RAD9B: variants seen among roughly 807,000 people sequenced by gnomAD.
The protein encoded by RAD9B is cell cycle checkpoint control protein RAD9B.
In RAD9B, 41 loss-of-function variants were observed where a neutral mutation model predicts 48.3. The ratio of observed to expected loss-of-function variants is 0.85; its 90% CI spans 0.66 to 1.10. RAD9B has a LOEUF of 1.10. Among genes scored for constraint, RAD9B ranks in the 50% least tolerant of loss-of-function variants. The pLI, the probability that RAD9B is intolerant of heterozygous loss-of-function variation, is 0.00. For synonymous variants in RAD9B, 160 were observed against 157.9 expected (o/e 1.01, Z -0.10); for missense variants, 444 against 485.1 (o/e 0.92, Z 0.80).
intron 10 of RAD9B, among the ~76,000 whole-genome samples, chr12:110,528,617 GAGTGAATAACA>G (rs113912723): frequency 1.6e-4 from 24 of 152,366 alleles, no homozygotes; most frequent in African/African-American, 5.8e-4. Context: ...AAAGATGTCA[GAGTGAATAACA>G]AGTGGGGAGG....
intron 8 of RAD9B, 64 bp from the exon 9 acceptor site, chr12:110,519,730 C>T: frequency 1.3e-6 from 2 of 1,534,568 alleles, no homozygotes; most frequent in Non-Finnish European, 1.8e-6. Flanking sequence ...AGTATCATTT[C>T]TAATGTGTTT....
At chr12:110,503,678 G>C in intron 1 of RAD9B, 128 bp from the exon 2 acceptor site, 2 of 689,128 alleles carry the variant, frequency 2.9e-6, no homozygotes, top group Non-Finnish European at 5.2e-6. Flanking sequence ...AAGTAATGTA[G>C]CATTAGTCTG....
In RAD9B at chr12:110,515,080, A is replaced by G. The variant is rs1565888219; in HGVS notation, c.519A>G (p.Thr173=). The change falls in exon 6 of 11, where the codon ACA becomes ACG. Residue 173 remains threonine (T), a synonymous_variant. Coordinates refer to ENST00000409300, the MANE Select transcript of RAD9B (RefSeq NM_001286535.2). The stretch of plus-strand genomic sequence containing the variant: ...TTGCTGATGCCATTGTTCTTTTTAC[A>G]TCAAGTCAAGAGGAAGTTACTCTTG... ...RLLADAIVLF[T]SSQEEVTLAV... is the part of the protein sequence containing the mutation. 13 of 1,555,732 alleles carry G rather than the reference A, an allele frequency of 8.4e-6. No homozygotes were observed. The highest frequency in any genetic ancestry group is 1.1e-5 in the Non-Finnish European group (13 of 1,148,230).
Position 110,519,793 on chromosome 12 carries a change from G to C in RAD9B, c.768-1G>C, listed in dbSNP as rs1486100092. ...CTGTTGCTCTGACTTGGCTTTTTTAGACCTCTGGCTTTGAGTATTGATGAT... is the reference window on the plus strand; with the variant it reads ...CTGTTGCTCTGACTTGGCTTTTTTACACCTCTGGCTTTGAGTATTGATGAT... On this transcript the variant is annotated splice_acceptor_variant, in intron 8 of 10. Coordinates refer to ENST00000409300, the MANE Select transcript of RAD9B (RefSeq NM_001286535.2). LOFTEE classifies it high-confidence loss of function. 1 of 1,601,494 alleles carries C rather than the reference G, an allele frequency of 6.2e-7. No homozygotes were observed. Among genetic ancestry groups the C allele is most frequent in the Non-Finnish European group, 8.5e-7 (1 of 1,176,368 alleles).
At chr12:110,507,942 G>C (rs1038205671) in intron 4 of RAD9B, 1 of 166,240 alleles carries the variant, frequency 6.0e-6, no homozygotes, top group Admixed American at 6.6e-5. Flanking sequence ...GAACTACCGC[G>C]CCTGGCTGTA....
rs778121031 is a variant in RAD9B, at chr12:110,522,239, C to CA, written c.960dup (p.Ala321SerfsTer9). 1 of 1,609,726 alleles carries CA rather than the reference C, an allele frequency of 6.2e-7. No homozygotes were observed. On this transcript the variant is annotated frameshift_variant, in exon 10 of 11. Coordinates refer to ENST00000409300, the MANE Select transcript of RAD9B (RefSeq NM_001286535.2). LOFTEE classifies it high-confidence loss of function. ...ACTGGCCAGGCCCTGGAATGTATTT[C>CA]AAAAAAAGCAGCACCAAGAAGGCTT...
chr12:110,531,844 G>A lies in RAD9B; in HGVS notation c.*1191G>A, dbSNP rs979197368. On this transcript the variant is annotated 3_prime_UTR_variant, in exon 11 of 11. Coordinates refer to ENST00000409300, the MANE Select transcript of RAD9B (RefSeq NM_001286535.2). ...TACAGTCAATTATAACCTGACAAAC[G>A]AGACTTTTGTAACATATTATTGTTA... is the stretch of plus-strand genomic sequence containing the variant. 16 of 515,560 alleles carry A rather than the reference G, an allele frequency of 3.1e-5. No individual in the cohort carries two copies. The highest frequency in any genetic ancestry group is 5.4e-5 in the Non-Finnish European group (16 of 294,074). 31.9% of individuals were successfully genotyped at this position (515,560 alleles called of 1,614,324 possible). A position where few individuals can be genotyped will look rare whatever the true frequency, so the allele number is the denominator to read the frequency against.
In RAD9B at chr12:110,502,348, T is replaced by C; in HGVS notation, c.11T>C (p.Met4Thr). 1 of 1,613,660 alleles carries C rather than the reference T, an allele frequency of 6.2e-7. No homozygotes were observed. Among genetic ancestry groups the C allele is most frequent in the Non-Finnish European group, 8.5e-7 (1 of 1,179,772 alleles). MAAMLKCVMSGSQV... is the reference protein window; with the variant it reads MAATLKCVMSGSQV... ...TGCTTTTTAGGGCGGATGGCAGCCA[T>C]GCTGAAGTGCGTGATGAGCGGCAGT... is the stretch of plus-strand genomic sequence containing the variant. The change falls in exon 1 of 11, where the codon ATG becomes ACG. Residue 4 changes from methionine (M) to threonine (T), a missense_variant. Physicochemically the swap from Met to Thr is moderately conservative, Grantham distance 81 (BLOSUM62 -1). Transcript: ENST00000409300.
Position 110,530,668 on chromosome 12 carries a change from T to C in RAD9B, c.*15T>C, listed in dbSNP as rs375191948. 136 of 1,613,436 alleles carry C rather than the reference T, an allele frequency of 8.4e-5. No individual in the cohort carries two copies. Among genetic ancestry groups the C allele is most frequent in the Non-Finnish European group, 1.1e-4 (131 of 1,179,584 alleles). Reference sequence around the variant, plus strand: ...CTATATTCTAATGCTTAATGATGGCTGAGCTGGGCCCCAGCCCAGTGACTG... The same window carrying C: ...CTATATTCTAATGCTTAATGATGGCCGAGCTGGGCCCCAGCCCAGTGACTG... On this transcript the variant is annotated 3_prime_UTR_variant, in exon 11 of 11. Transcript: ENST00000409300.
At chr12:110,522,751 A>G (rs967915060) in intron 10 of RAD9B, among the ~76,000 whole-genome samples, 3 of 152,246 alleles carry the variant, frequency 2.0e-5, no homozygotes, top group Non-Finnish European at 2.9e-5. Flanking sequence ...CTGAGATCAT[A>G]TAAATAATTT....
intron 4 of RAD9B, 65 bp downstream of exon 4, chr12:110,506,758 C>A: frequency 1.3e-6 from 1 of 781,486 alleles, no homozygotes; most frequent in Non-Finnish European, 2.2e-6. Flanking sequence ...ATGTTTAGAA[C>A]ATTGATATTT....
intron 10 of RAD9B, among the ~76,000 whole-genome samples, chr12:110,525,216 C>T (rs985292724): frequency 6.6e-6 from 1 of 151,858 alleles, no homozygotes. Flanking sequence ...GTCTCGATCT[C>T]CCGACCTCAG....
chr12:110,518,621 C>A, intron 6 of RAD9B, 55 bp from the exon 7 acceptor site: 1 of 1,325,004 alleles, frequency 7.5e-7, no homozygotes, highest in South Asian at 1.4e-5. Context: ...CTTTTTTCCT[C>A]TAAATTCATC....
At chr12:110,526,995 C>A (rs2135733281) in intron 10 of RAD9B, among the ~76,000 whole-genome samples, 1 of 152,008 alleles carries the variant, frequency 6.6e-6, no homozygotes, top group Non-Finnish European at 1.5e-5. Flanking sequence ...TAACAAATTG[C>A]CACAAATTTA....
chr12:110,532,356 A>T lies in RAD9B; in HGVS notation c.*1703A>T, dbSNP rs1304904595. Among the ~76,000 whole-genome samples, 2 of 152,244 alleles carry T rather than the reference A, an allele frequency of 1.3e-5. No homozygotes were observed. Among genetic ancestry groups the T allele is most frequent in the African/African-American group, 2.4e-5 (1 of 41,464 alleles). ...TTCATTGAAGTAGGCAGAGGGGTTTAGGTCTTAAAGGCATCATCATCAGTA... is the reference window on the plus strand; with the variant it reads ...TTCATTGAAGTAGGCAGAGGGGTTTTGGTCTTAAAGGCATCATCATCAGTA... On this transcript the variant is annotated 3_prime_UTR_variant, in exon 11 of 11. Coordinates refer to ENST00000409300, the MANE Select transcript of RAD9B (RefSeq NM_001286535.2).
rs932587564 is a variant in RAD9B, at chr12:110,530,908, A to G, written c.*255A>G. ...TTTCTGTGAAGGAAAAAAGCCCATT[A>G]GAGTTCTTCAATTCAATGCACGTTC... On this transcript the variant is annotated 3_prime_UTR_variant, in exon 11 of 11. Transcript: ENST00000409300. The G allele has an allele frequency of 5.8e-6, 7 of 1,209,130 alleles. No individual in the cohort carries two copies. In the African/African-American group the frequency reaches 1.1e-4, roughly 18 times the overall value. The allele number at this position is 1,209,130 out of a possible 1,614,324, so 74.9% of individuals were successfully genotyped here.
At chr12:110,503,917 GAGATGTTTAA>G in intron 2 of RAD9B, 41 bp downstream of exon 2, 2 of 1,278,148 alleles carry the variant, frequency 1.6e-6, no homozygotes, top group African/African-American at 1.5e-5. Context: ...AAGGCAAGAG[GAGATGTTTAA>G]AGATCCCAGT....
At chr12:110,513,112 C>T (rs1357155690) in intron 5 of RAD9B, among the ~76,000 whole-genome samples, 3 of 151,630 alleles carry the variant, frequency 2.0e-5, no homozygotes, top group African/African-American at 4.8e-5. Context: ...ACTACAGGCG[C>T]CCACCGCCAC....
intron 5 of RAD9B, among the ~76,000 whole-genome samples, chr12:110,514,839 C>T (rs1331045570): frequency 6.6e-6 from 1 of 152,166 alleles, no homozygotes; most frequent in African/African-American, 2.4e-5. Flanking sequence ...TTTTGCTATT[C>T]TCTTGGCCTT....
Sources: allele counts gnomAD v4.1 joint callset (sites outside exome capture counted in the v4.1 genomes callset), GRCh38; gene constraint gnomAD v4.1.1; transcripts MANE v1.5; gene names NCBI Gene and HGNC (gene_info 2026-07-23, HGNC 2026-07-21).